Variants in FGF14 observed in about 807,000 individuals in gnomAD.
FGF14 encodes fibroblast growth factor 14.
A neutral mutation model predicts 25.5 loss-of-function variants in FGF14; 5 were observed. The ratio of observed to expected loss-of-function variants is 0.20; its 90% CI spans 0.10 to 0.41. The LOEUF (loss-of-function observed/expected upper bound fraction) is 0.41. Among genes scored for constraint, FGF14 ranks in the 10% least tolerant of loss-of-function variants. The probability of loss-of-function intolerance (pLI) is 1.00; values close to 1 mark genes in which losing one functional copy is unlikely to be tolerated. For missense variants in FGF14, 222 were observed against 320.1 expected (o/e 0.69, Z 2.34); for synonymous variants, 138 against 118.3 (o/e 1.17, Z -1.08).
chr13:102,255,241 G>A (rs887332287), intron 1 of FGF14, among the ~76,000 whole-genome samples: 1 of 152,150 alleles, frequency 6.6e-6, no homozygotes, highest in African/African-American at 2.4e-5. Flanking sequence ...GATTTTGAAA[G>A]GGAGAGGAAA....
chr13:102,235,640 C>G (rs1345752235), intron 1 of FGF14, among the ~76,000 whole-genome samples: 2 of 152,118 alleles, frequency 1.3e-5, no homozygotes, highest in Non-Finnish European at 2.9e-5. Flanking sequence ...ATTTTTTAAT[C>G]CCTTATTTCT....
At chr13:101,828,017 A>G (rs1683096535) in intron 3 of FGF14, among the ~76,000 whole-genome samples, 1 of 151,876 alleles carries the variant, frequency 6.6e-6, no homozygotes, top group African/African-American at 2.4e-5. Context: ...TGTCTGAATT[A>G]TTATGAAATC....
intron 1 of FGF14, among the ~76,000 whole-genome samples, chr13:102,001,021 T>C (rs2139733320): frequency 6.6e-6 from 1 of 152,060 alleles, no homozygotes; most frequent in South Asian, 2.1e-4. Context: ...AGGGTCATGA[T>C]TTAGGGTTGG....
intron 4 of FGF14, among the ~76,000 whole-genome samples, chr13:101,723,501 A>G (rs971862614): frequency 2.0e-5 from 3 of 152,108 alleles, no homozygotes; most frequent in Non-Finnish European, 4.4e-5. Flanking sequence ...AAGCTACACA[A>G]AATAATAACA....
chr13:101,901,478 T>C (rs1594659582), intron 1 of FGF14, among the ~76,000 whole-genome samples: 1 of 151,822 alleles, frequency 6.6e-6, no homozygotes, highest in African/African-American at 2.4e-5. Context: ...CCGGGGCGGG[T>C]GGGTCACCTG....
At chr13:102,385,158 G>A (rs2058272478) in intron 1 of FGF14, among the ~76,000 whole-genome samples, 1 of 152,172 alleles carries the variant, frequency 6.6e-6, no homozygotes, top group African/African-American at 2.4e-5. Flanking sequence ...TCCCTGTGAA[G>A]TTTTGAATAG....
At chr13:101,849,715 C>T (rs1450879171) in intron 3 of FGF14, among the ~76,000 whole-genome samples, 3 of 152,012 alleles carry the variant, frequency 2.0e-5, no homozygotes, top group African/African-American at 4.8e-5. Flanking sequence ...TGTATTTTGG[C>T]CAAGCTTTCC....
At chr13:102,067,366 T>C (rs1374540043) in intron 1 of FGF14, among the ~76,000 whole-genome samples, 1 of 152,112 alleles carries the variant, frequency 6.6e-6, no homozygotes, top group Non-Finnish European at 1.5e-5. Flanking sequence ...TTTCATATTA[T>C]GCAAATAATT....
At position 102,201,102 on chromosome 13, in the gene FGF14, C is replaced by CAA. The variant is rs60149871; in HGVS notation, c.208+200367_208+200368dup. ...GGCGACAGAGCGAGACTCCGTCTCTCAAAAAAAAAAAAAAAAAAAAAAAAA... is the reference window on the plus strand; with the variant it reads ...GGCGACAGAGCGAGACTCCGTCTCTCAAAAAAAAAAAAAAAAAAAAAAAAAAA... On this transcript the variant is annotated intron_variant, in intron 1 of 4. Coordinates refer to the FGF14 transcript ENST00000376131. Among the ~76,000 whole-genome samples, 308 of 62,726 alleles carry CAA rather than the reference C, an allele frequency of 4.9e-3. 7 individuals carry two copies. The highest frequency in any genetic ancestry group is 6.5e-3 in the Non-Finnish European group (236 of 36,562). The allele number at this position is 62,726 out of a possible 152,430, so 41.2% of individuals were successfully genotyped here. A position where few individuals can be genotyped will look rare whatever the true frequency, so the allele number is the denominator to read the frequency against.
chr13:101,775,648 TGGAGGTCTTAAG>T (rs1245037409), intron 3 of FGF14, among the ~76,000 whole-genome samples: 2 of 151,782 alleles, frequency 1.3e-5, no homozygotes, highest in Non-Finnish European at 1.5e-5. Context: ...TATAGCAGAG[TGGAGGTCTTAAG>T]GGAGGATAGG....
chr13:101,719,150 A>T lies in FGF14; in HGVS notation c.*3681T>A, dbSNP rs1198292900. 2.0e-5 allele frequency: 3 copies of T among 152,176 alleles called. No individual in the cohort carries two copies. The highest frequency in any genetic ancestry group is 7.2e-5 in the African/African-American group (3 of 41,452). The allele number at this position is 152,176 out of a possible 1,614,324, so 9.4% of individuals were successfully genotyped here. A position where few individuals can be genotyped will look rare whatever the true frequency, so the allele number is the denominator to read the frequency against. ...TAATGATCCATAATATTAGGGAGAT[A>T]ATTTTAAATGAAGTGATACGTGTCT... is the stretch of plus-strand genomic sequence containing the variant. On this transcript the variant is annotated 3_prime_UTR_variant, in exon 5 of 5. Transcript: ENST00000376143.
chr13:102,298,793 C>T (rs551578765), intron 1 of FGF14, among the ~76,000 whole-genome samples: 8 of 152,100 alleles, frequency 5.3e-5, no homozygotes, highest in Non-Finnish European at 1.2e-4. Context: ...AACAAAAGAG[C>T]TTTAAAATGT....
intron 1 of FGF14, among the ~76,000 whole-genome samples, chr13:102,285,753 T>TA (rs2054064929): frequency 6.6e-6 from 1 of 152,210 alleles, no homozygotes; most frequent in Non-Finnish European, 1.5e-5. Flanking sequence ...ACTTACAACT[T>TA]ACAATAGGGT....
chr13:102,285,453 T>C (rs1196140411), intron 1 of FGF14, among the ~76,000 whole-genome samples: 1 of 152,160 alleles, frequency 6.6e-6, no homozygotes, highest in Admixed American at 6.5e-5. Flanking sequence ...AAGACTTATA[T>C]CAACAATAAA....
intron 1 of FGF14, among the ~76,000 whole-genome samples, chr13:102,095,587 C>T (rs534832862): frequency 3.3e-5 from 5 of 152,210 alleles, no homozygotes; most frequent in African/African-American, 1.2e-4. Flanking sequence ...CTTCTTCCAC[C>T]TCTCCATCTC....
intron 1 of FGF14, among the ~76,000 whole-genome samples, chr13:102,325,361 A>G (rs1349310253): frequency 1.3e-5 from 2 of 152,186 alleles, no homozygotes; most frequent in Non-Finnish European, 2.9e-5. Flanking sequence ...TATTAAGAAA[A>G]AACAATACCA....
intron 3 of FGF14, among the ~76,000 whole-genome samples, chr13:101,857,146 A>G (rs2044168223): frequency 6.6e-6 from 1 of 152,064 alleles, no homozygotes; most frequent in African/African-American, 2.4e-5. Flanking sequence ...ACCATTAGAC[A>G]CTAGTGTCAG....
chr13:102,310,696 T>TGTGTG (rs1269681335), intron 1 of FGF14, among the ~76,000 whole-genome samples: 55 of 3,474 alleles, frequency 0.016, 5 homozygotes, highest in South Asian at 0.06. Context: ...TGTGTGTGTG[T>TGTGTG]GGGGGGGGGG....
chr13:101,794,654 C>T (rs897087294), intron 3 of FGF14, among the ~76,000 whole-genome samples: 10 of 152,040 alleles, frequency 6.6e-5, no homozygotes, highest in African/African-American at 2.2e-4. Context: ...ACTACAACAA[C>T]AAAAATGTGT....
Sources: allele counts gnomAD v4.1 joint callset (sites outside exome capture counted in the v4.1 genomes callset), GRCh38; gene constraint gnomAD v4.1.1; transcripts MANE v1.5; gene names NCBI Gene and HGNC (gene_info 2026-07-23, HGNC 2026-07-21).